CFAP44: variants seen among roughly 807,000 people sequenced by gnomAD.
CFAP44 encodes the protein cilia and flagella associated protein 44, also known as cilia- and flagella-associated protein 44.
In CFAP44, 134 loss-of-function variants were observed where a neutral mutation model predicts 216.2. That is an observed-to-expected ratio of 0.62 (90% CI 0.54 to 0.72). The LOEUF is 0.72. Ranked by LOEUF, CFAP44 falls within the 30% of genes least tolerant of loss-of-function variation. The probability of loss-of-function intolerance (pLI) is 0.00; values close to 1 mark genes in which losing one functional copy is unlikely to be tolerated. For missense variants in CFAP44, 2,035 were observed against 2,182.1 expected (o/e 0.93, Z 1.34); for synonymous variants, 700 against 727.6 (o/e 0.96, Z 0.61).
At position 113,291,355 on chromosome 3, in the gene CFAP44, T is replaced by A. The variant is rs987860282; in HGVS notation, c.*202A>T. 44 of 554,702 alleles carry A rather than the reference T, an allele frequency of 7.9e-5. No homozygotes were observed. Among genetic ancestry groups the A allele is most frequent in the Admixed American group, 1.5e-4 (5 of 32,308 alleles). The allele number at this position is 554,702 out of a possible 1,614,324, so 34.4% of individuals were successfully genotyped here. ...AAACATCTAAAATGATTCAGTTTCA[T>A]AACAGAGGTTGGGTGCTGCAGTCAG... On this transcript the variant is annotated 3_prime_UTR_variant, in exon 35 of 35. Coordinates refer to ENST00000393845, the MANE Select transcript of CFAP44 (RefSeq NM_001164496.2).
chr3:113,335,928 G>A (rs1950278694), intron 24 of CFAP44, among the ~76,000 whole-genome samples: 1 of 152,064 alleles, frequency 6.6e-6, no homozygotes, highest in Non-Finnish European at 1.5e-5. Flanking sequence ...AAATTTAATA[G>A]GAAGATATTT....
intron 15 of CFAP44, among the ~76,000 whole-genome samples, chr3:113,393,985 G>A (rs1271127645): frequency 6.6e-6 from 1 of 152,104 alleles, no homozygotes; most frequent in African/African-American, 2.4e-5. Flanking sequence ...CCAGCCTCAA[G>A]TATTCCTTTA....
At chr3:113,343,015 A>T (rs1220462718) in intron 23 of CFAP44, among the ~76,000 whole-genome samples, 1 of 151,508 alleles carries the variant, frequency 6.6e-6, no homozygotes, top group Non-Finnish European at 1.5e-5. Flanking sequence ...AAATTAAAAA[A>T]AAATGGCTGT....
intron 22 of CFAP44, among the ~76,000 whole-genome samples, chr3:113,350,385 A>C (rs1950432351): frequency 2.0e-5 from 3 of 152,132 alleles, no homozygotes; most frequent in Non-Finnish European, 4.4e-5. Context: ...AGAAAGTCAA[A>C]GAGAGAGAGG....
At chr3:113,313,622 G>A (rs1215197677) in intron 28 of CFAP44, among the ~76,000 whole-genome samples, 1 of 152,142 alleles carries the variant, frequency 6.6e-6, no homozygotes, top group Non-Finnish European at 1.5e-5. Flanking sequence ...CCCACATGTT[G>A]TGGGAGGGAC....
At chr3:113,345,001 G>T (rs1364175938) in intron 22 of CFAP44, among the ~76,000 whole-genome samples, 1 of 150,164 alleles carries the variant, frequency 6.7e-6, no homozygotes, top group African/African-American at 2.4e-5. Flanking sequence ...CAGGTAAACT[G>T]CAGTTTAATG....
At chr3:113,419,258 A>T (rs776321850) in intron 5 of CFAP44, among the ~76,000 whole-genome samples, 1 of 152,040 alleles carries the variant, frequency 6.6e-6, no homozygotes, top group Non-Finnish European at 1.5e-5. Flanking sequence ...ATCTGCACAC[A>T]GTTATTGCCA....
intron 15 of CFAP44, among the ~76,000 whole-genome samples, chr3:113,390,807 C>T (rs1366008012): frequency 2.0e-5 from 3 of 151,800 alleles, no homozygotes; most frequent in African/African-American, 7.3e-5. Flanking sequence ...AAGATTTCTA[C>T]AATGACAACT....
chr3:113,320,997 G>T (rs1950141741), intron 28 of CFAP44, among the ~76,000 whole-genome samples: 1 of 152,068 alleles, frequency 6.6e-6, no homozygotes, highest in Admixed American at 6.6e-5. Flanking sequence ...TCACAGGAGG[G>T]ATTCCTCCCT....
intron 28 of CFAP44, among the ~76,000 whole-genome samples, chr3:113,314,266 T>C (rs1950067269): frequency 6.6e-6 from 1 of 152,104 alleles, no homozygotes; most frequent in Non-Finnish European, 1.5e-5. Flanking sequence ...AAAGAAAAAG[T>C]CTTGAAAGCA....
At chr3:113,326,887 T>C (rs1224522778) in intron 27 of CFAP44, among the ~76,000 whole-genome samples, 1 of 152,086 alleles carries the variant, frequency 6.6e-6, no homozygotes, top group Non-Finnish European at 1.5e-5. Flanking sequence ...CCCCCCAAAA[T>C]CTAAATTAAA....
chr3:113,424,733 T>G (rs1423370699), intron 4 of CFAP44, among the ~76,000 whole-genome samples: 3 of 152,150 alleles, frequency 2.0e-5, no homozygotes, highest in Admixed American at 1.3e-4. Context: ...GTTGAAAATG[T>G]TTAAGAAAAG....
chr3:113,395,832 T>C lies in CFAP44; in HGVS notation c.1808A>G (p.Glu603Gly). 6.2e-7 allele frequency: 1 copy of C among 1,613,716 alleles called. No homozygotes were observed. The highest frequency in any genetic ancestry group is 8.5e-7 in the Non-Finnish European group (1 of 1,179,836). ...GSKDQTVFFF[E>G]VERDYKPIGY... is the part of the protein sequence containing the mutation. Reference sequence around the variant, plus strand: ...AATCGGCTTATAATCCCTTTCCACTTCAAAGAAGAAAACAGTTTGATCTTT... The same window carrying C: ...AATCGGCTTATAATCCCTTTCCACTCCAAAGAAGAAAACAGTTTGATCTTT... The change falls in exon 15 of 35, where the codon GAA becomes GGA. Residue 603 changes from glutamate to glycine, a missense_variant. This residue lies in a region of CFAP44 where 1,883 missense variants were observed against 2,023.7 expected (regional missense o/e 0.93). Transcript: ENST00000393845.
chr3:113,395,703 A>G (rs1218018376), intron 15 of CFAP44, 47 bp downstream of exon 15: 7 of 1,482,984 alleles, frequency 4.7e-6, no homozygotes, highest in Non-Finnish European at 3.7e-6. Context: ...TAGTTTCACT[A>G]TGTAGTAATT....
chr3:113,403,838 T>C lies in CFAP44; in HGVS notation c.1170+14A>G. On this transcript the variant is annotated intron_variant, in intron 9 of 34. Transcript: ENST00000393845. Reference sequence around the variant, plus strand: ...AAACGTGGGTGCTACCATCCAAGTATCGAGAAAACTTACCCTAACATATCC... The same window carrying C: ...AAACGTGGGTGCTACCATCCAAGTACCGAGAAAACTTACCCTAACATATCC... 6.2e-7 allele frequency: 1 copy of C among 1,609,152 alleles called. No homozygotes were observed. The highest frequency in any genetic ancestry group is 8.5e-7 in the Non-Finnish European group (1 of 1,177,040).
In CFAP44 at chr3:113,372,728, T is replaced by C. The variant is rs190251570; in HGVS notation, c.2444+683A>G. On this transcript the variant is annotated intron_variant, in intron 18 of 34. Transcript: ENST00000393845. ...ATGTACCCTAGAACTTAAAGTATAA[T>C]AATAAAAAAAAAGAAGAAGAGGACA... is the stretch of plus-strand genomic sequence containing the variant. Among the ~76,000 whole-genome samples the C allele has an allele frequency of 3.3e-5, 5 of 151,496 alleles. No individual in the cohort carries two copies. The East Asian group carries it at 7.8e-4, about 23-fold the overall frequency.
chr3:113,291,850 C>A, intron 34 of CFAP44, 102 bp from the exon 35 acceptor site: 1 of 1,239,188 alleles, frequency 8.1e-7, no homozygotes, highest in South Asian at 1.7e-5. Flanking sequence ...CTGACAGTCA[C>A]CCTAAACAGC....
chr3:113,434,483 A>G (rs1935188770), intron 1 of CFAP44: 2 of 152,186 alleles, frequency 1.3e-5, no homozygotes, highest in Admixed American at 1.3e-4. Context: ...TTTATACCTT[A>G]TTTCCTTGAC....
At chr3:113,401,355 C>G in intron 10 of CFAP44, 68 bp from the exon 11 acceptor site, 1 of 1,421,186 alleles carries the variant, frequency 7.0e-7, no homozygotes, top group Non-Finnish European at 9.6e-7. Flanking sequence ...AATGTTCTTT[C>G]TATGTTTTAT....
Sources: allele counts gnomAD v4.1 joint callset (sites outside exome capture counted in the v4.1 genomes callset), GRCh38; gene constraint gnomAD v4.1.1; regional missense constraint gnomAD v4.1.1; transcripts MANE v1.5; gene names NCBI Gene and HGNC (gene_info 2026-07-23, HGNC 2026-07-21).